Variants in PLPPR1 observed in about 807,000 individuals in gnomAD.
The protein encoded by PLPPR1 is phospholipid phosphatase-related protein type 1.
Under a neutral mutation model 33.1 loss-of-function variants are expected in PLPPR1, and 10 were observed. The observed-to-expected ratio is 0.30, with a 90% CI of 0.19 to 0.51. The LOEUF is 0.51. PLPPR1 is among the 20% of genes least tolerant of loss of function. The pLI, the probability that PLPPR1 is intolerant of heterozygous loss-of-function variation, is 0.97. For synonymous variants in PLPPR1, 151 were observed against 151.0 expected, an observed-to-expected ratio of 1.00 and a Z score of 0.00; for missense variants, 304 against 408.1, an observed-to-expected ratio of 0.74 and a Z score of 2.20.
intron 1 of PLPPR1, among the ~76,000 whole-genome samples, chr9:101,100,324 C>T (rs1830882403): frequency 6.6e-6 from 1 of 152,042 alleles, no homozygotes; most frequent in African/African-American, 2.4e-5. Context: ...TCTCCATTTG[C>T]AAAGGCAGGC....
chr9:101,094,291 A>G (rs1277202195), intron 1 of PLPPR1, among the ~76,000 whole-genome samples: 2 of 151,924 alleles, frequency 1.3e-5, no homozygotes, highest in Non-Finnish European at 2.9e-5. Flanking sequence ...TATTCTCTGT[A>G]TAGTATCTTT....
rs1280911193 is a variant in PLPPR1 at position 101,208,955 on chromosome 9, TGTGGA to T, written c.63+23402_63+23406del. ...CACTTACTGTCATTTATTGAGCACA[TGTGGA>T]GTGTATTGGGCAAGAAAGGAGGCCT... is the stretch of plus-strand genomic sequence containing the variant. On this transcript the variant is annotated intron_variant, in intron 2 of 7. Coordinates refer to ENST00000374874, the MANE Select transcript of PLPPR1 (RefSeq NM_207299.2). Among the ~76,000 whole-genome samples, 4 of 152,312 alleles carry T rather than the reference TGTGGA, an allele frequency of 2.6e-5. No individual in the cohort carries two copies. In the East Asian group the frequency reaches 5.8e-4, roughly 22 times the overall value.
intron 1 of PLPPR1, among the ~76,000 whole-genome samples, chr9:101,048,544 A>G (rs1457647646): frequency 6.6e-6 from 1 of 152,244 alleles, no homozygotes; most frequent in African/African-American, 2.4e-5. Context: ...TGGGGCTTAG[A>G]GTGAGCTAAT....
At chr9:101,235,021 A>G (rs2118829463) in intron 2 of PLPPR1, among the ~76,000 whole-genome samples, 1 of 152,034 alleles carries the variant, frequency 6.6e-6, no homozygotes, top group South Asian at 2.1e-4. Context: ...ATAAACTATG[A>G]TAATTCATAC....
chr9:101,037,946 A>G (rs1830029969), intron 1 of PLPPR1, among the ~76,000 whole-genome samples: 1 of 151,900 alleles, frequency 6.6e-6, no homozygotes, highest in South Asian at 2.1e-4. Flanking sequence ...TTAGCAATTA[A>G]AAATGAATTA....
chr9:101,173,273 G>A (rs1825970770), intron 1 of PLPPR1, among the ~76,000 whole-genome samples: 1 of 152,058 alleles, frequency 6.6e-6, no homozygotes, highest in Non-Finnish European at 1.5e-5. Flanking sequence ...TTATATTAAT[G>A]AAATTGTTGT....
chr9:101,267,424 G>C (rs1478640615), intron 2 of PLPPR1, among the ~76,000 whole-genome samples: 1 of 152,270 alleles, frequency 6.6e-6, no homozygotes, highest in Admixed American at 6.5e-5. Context: ...CTGGCATAAA[G>C]GTTGGTGATT....
intron 2 of PLPPR1, among the ~76,000 whole-genome samples, chr9:101,248,187 C>T (rs1178874818): frequency 1.3e-5 from 2 of 152,016 alleles, no homozygotes; most frequent in African/African-American, 4.8e-5. Flanking sequence ...TGATCTTTCA[C>T]ACACTGAGTT....
chr9:101,121,625 C>T (rs1375698873), intron 1 of PLPPR1, among the ~76,000 whole-genome samples: 1 of 152,166 alleles, frequency 6.6e-6, no homozygotes, highest in Admixed American at 6.5e-5. Flanking sequence ...ATTCTACATT[C>T]ACCTCAGAAT....
chr9:101,229,117 T>C (rs939615980), intron 2 of PLPPR1, among the ~76,000 whole-genome samples: 1 of 152,186 alleles, frequency 6.6e-6, no homozygotes, highest in Non-Finnish European at 1.5e-5. Flanking sequence ...TTGCTTGTTA[T>C]CAGATCAAGG....
intron 1 of PLPPR1, among the ~76,000 whole-genome samples, chr9:101,143,440 A>T (rs2118636035): frequency 6.6e-6 from 1 of 152,286 alleles, no homozygotes; most frequent in East Asian, 1.9e-4. Flanking sequence ...GCCTCTAAAG[A>T]ACTAAAGAGC....
intron 2 of PLPPR1, among the ~76,000 whole-genome samples, chr9:101,215,339 G>A (rs909963135): frequency 4.3e-4 from 66 of 151,958 alleles, no homozygotes; most frequent in African/African-American, 1.5e-3. Flanking sequence ...GAGTGCAGTG[G>A]CACCATCTCG....
chr9:101,082,104 G>A (rs770068639), intron 1 of PLPPR1, among the ~76,000 whole-genome samples: 13 of 152,290 alleles, frequency 8.5e-5, no homozygotes, highest in Middle Eastern at 3.4e-3. Context: ...GCTGTCAGAC[G>A]GGCAGTGCCT....
At chr9:101,118,004 C>A (rs893617902) in intron 1 of PLPPR1, among the ~76,000 whole-genome samples, 1 of 152,178 alleles carries the variant, frequency 6.6e-6, no homozygotes, top group African/African-American at 2.4e-5. Flanking sequence ...GTAAGTTTAG[C>A]AGTATTTTCA....
intron 1 of PLPPR1, among the ~76,000 whole-genome samples, chr9:101,054,454 G>A (rs1333848279): frequency 6.6e-6 from 1 of 152,132 alleles, no homozygotes; most frequent in Non-Finnish European, 1.5e-5. Flanking sequence ...CATTTCTGAA[G>A]CATATTGATG....
intron 2 of PLPPR1, among the ~76,000 whole-genome samples, chr9:101,197,576 G>A (rs1405192866): frequency 6.6e-6 from 1 of 152,126 alleles, no homozygotes; most frequent in Non-Finnish European, 1.5e-5. Flanking sequence ...CAGTCCAACC[G>A]GGCAAGACAG....
At chr9:101,217,443 G>A (rs947607449) in intron 2 of PLPPR1, among the ~76,000 whole-genome samples, 1 of 152,204 alleles carries the variant, frequency 6.6e-6, no homozygotes, top group Non-Finnish European at 1.5e-5. Flanking sequence ...CTTGTTACCT[G>A]CACTTGGTTG....
At chr9:101,078,373 T>C (rs1470254551) in intron 1 of PLPPR1, among the ~76,000 whole-genome samples, 2 of 151,782 alleles carry the variant, frequency 1.3e-5, no homozygotes, top group African/African-American at 4.8e-5. Flanking sequence ...ATTTAAAAAG[T>C]TGTTTTAGGA....
intron 2 of PLPPR1, among the ~76,000 whole-genome samples, chr9:101,240,412 G>GT (rs767244520): frequency 5.5e-4 from 83 of 151,624 alleles, no homozygotes; most frequent in Non-Finnish European, 6.6e-4. Context: ...TTTTAGAATT[G>GT]TTTTTTTCTC....
Sources: gnomAD v4.1 joint callset for allele counts (sites outside exome capture counted in the v4.1 genomes callset) on GRCh38, gnomAD v4.1.1 for gene constraint, MANE v1.5 for transcripts, NCBI Gene and HGNC (gene_info 2026-07-23, HGNC 2026-07-21) for gene names.